MYBBP1A: variants seen among roughly 807,000 people sequenced by gnomAD.
MYBBP1A encodes MYB binding protein 1a, also known as myb-binding protein 1A.
A neutral mutation model predicts 136.3 loss-of-function variants in MYBBP1A; 147 were observed. The ratio of observed to expected loss-of-function variants is 1.08; its 90% CI spans 0.94 to 1.24. MYBBP1A has a LOEUF of 1.24. Ranked by LOEUF, MYBBP1A falls within the 50% of genes most tolerant of loss-of-function variation. The probability of loss-of-function intolerance (pLI) is 0.00; values close to 1 mark genes in which losing one functional copy is unlikely to be tolerated. For missense variants in MYBBP1A, 2,060 were observed against 1,727.4 expected (o/e 1.19, Z -3.41); for synonymous variants, 947 against 735.8 (o/e 1.29, Z -4.65).
At chr17:4,551,735 A>C in intron 8 of MYBBP1A, 145 bp downstream of exon 8, 1 of 685,236 alleles carries the variant, frequency 1.5e-6, no homozygotes, top group Non-Finnish European at 2.5e-6. Context: ...GTCCGAGGGA[A>C]AGGGGTTCAG....
intron 8 of MYBBP1A, among the ~76,000 whole-genome samples, chr17:4,550,608 T>C (rs1907427668): frequency 6.6e-6 from 1 of 152,280 alleles, no homozygotes; most frequent in Admixed American, 6.5e-5. Flanking sequence ...TCAAGGCCTC[T>C]GTGGGTCTGA....
chr17:4,542,358 C>G (rs553501112), intron 22 of MYBBP1A, 106 bp downstream of exon 22: 1 of 1,292,452 alleles, frequency 7.7e-7, no homozygotes, highest in African/African-American at 1.5e-5. Flanking sequence ...CAGCTGTGCC[C>G]GTGCTCACCA....
chr17:4,543,419 C>T (rs1906652794), intron 19 of MYBBP1A: 2 of 521,502 alleles, frequency 3.8e-6, no homozygotes, highest in African/African-American at 3.8e-5. Flanking sequence ...GCACCAAGGG[C>T]CAACTGCCTG....
In MYBBP1A at chr17:4,554,990, T is replaced by G. The variant is rs777297074; in HGVS notation, c.199-34A>C. The G allele has an allele frequency of 1.9e-6, 3 of 1,611,576 alleles. No individual in the cohort carries two copies. The African/African-American group carries it at 4.0e-5, about 22-fold the overall frequency. On this transcript the variant is annotated intron_variant, in intron 1 of 25. Transcript: ENST00000254718. ...CCAAGCACACCCTCGTGTTCAATGG[T>G]GACAACAAGGTGCACGCCCCCGCGC...
intron 19 of MYBBP1A, 126 bp from the exon 20 acceptor site, chr17:4,543,291 A>G: frequency 7.5e-7 from 1 of 1,329,268 alleles, no homozygotes; most frequent in East Asian, 2.5e-5. Context: ...GAGGCGACCC[A>G]GGCCACAGAG....
At chr17:4,554,575 G>A (rs1458812978) in intron 2 of MYBBP1A, among the ~76,000 whole-genome samples, 4 of 152,196 alleles carry the variant, frequency 2.6e-5, no homozygotes, top group East Asian at 1.9e-4. Context: ...TCAGCTGAAT[G>A]CCTCTGCAGG....
rs2144438201 is a variant in MYBBP1A at position 4,543,313 on chromosome 17, G to A, written c.2640-148C>T. ...CCCAGGCCACAGAGGAGGGCCCAGGGCCGCCTGCAGGCTGCCTGGAAGCTG... is the reference window on the plus strand; with the variant it reads ...CCCAGGCCACAGAGGAGGGCCCAGGACCGCCTGCAGGCTGCCTGGAAGCTG... On this transcript the variant is annotated intron_variant, in intron 19 of 25. Transcript: ENST00000254718. 10 of 1,109,472 alleles carry A rather than the reference G, an allele frequency of 9.0e-6. No homozygotes were observed. In the South Asian group the frequency reaches 1.7e-4, roughly 18 times the overall value. The allele number at this position is 1,109,472 out of a possible 1,614,324, so 68.7% of individuals were successfully genotyped here. A position where few individuals can be genotyped will look rare whatever the true frequency, so the allele number is the denominator to read the frequency against.
Position 4,544,957 on chromosome 17 carries a change from G to A in MYBBP1A, c.2311-36C>T, listed in dbSNP as rs371827416. The A allele has an allele frequency of 3.3e-4, 512 of 1,572,448 alleles. 3 individuals are homozygous for A. The highest frequency in any genetic ancestry group is 1.5e-3 in the South Asian group (129 of 85,248). ...GAGGCCCAGCGGTCAGCCAGGCCTCGGGCAGGCACACAACATGGGGACACC... is the reference window on the plus strand; with the variant it reads ...GAGGCCCAGCGGTCAGCCAGGCCTCAGGCAGGCACACAACATGGGGACACC... On this transcript the variant is annotated intron_variant, in intron 17 of 25. Coordinates refer to ENST00000254718, the MANE Select transcript of MYBBP1A (RefSeq NM_014520.4).
chr17:4,542,205 G>T (rs753589041), intron 22 of MYBBP1A: 15 of 585,238 alleles, frequency 2.6e-5, no homozygotes, highest in Non-Finnish European at 4.5e-5. Flanking sequence ...CATCCTGTGT[G>T]TGGCCAGATG....
intron 5 of MYBBP1A, 44 bp downstream of exon 5, chr17:4,553,764 CTG>C: frequency 2.0e-6 from 3 of 1,477,512 alleles, no homozygotes; most frequent in Non-Finnish European, 9.5e-7. Context: ...CTTGATGTCT[CTG>C]TAACAAAGTG....
chr17:4,547,852 A>C, intron 13 of MYBBP1A, 106 bp downstream of exon 13: 1 of 1,033,416 alleles, frequency 9.7e-7, no homozygotes, highest in Non-Finnish European at 1.3e-6. Context: ...TAACTCCCCC[A>C]GAACCTTTCC....
chr17:4,542,121 C>T (rs1389337078), intron 22 of MYBBP1A: 6 of 588,680 alleles, frequency 1.0e-5, no homozygotes, highest in South Asian at 2.1e-5. Flanking sequence ...AATTCCTGCC[C>T]ATTATTGGCT....
Position 4,545,080 on chromosome 17 carries a change from C to T in MYBBP1A, c.2256G>A (p.Val752=). ...ESEEEERDGD[V]DQGFREQLMT... ...TCAGCTGTTCCCGGAAGCCCTGATC[C>T]ACGTCCCCGTCGCGCTCCTCCTCCT... is the stretch of plus-strand genomic sequence containing the variant. The change falls in exon 17 of 26, where the codon GTG becomes GTA. Residue 752 remains valine, a synonymous_variant. Transcript: ENST00000254718. 4 of 1,573,898 alleles carry T rather than the reference C, an allele frequency of 2.5e-6. No homozygotes were observed. The highest frequency in any genetic ancestry group is 1.2e-5 in the South Asian group (1 of 86,804).
rs1907558134 is a variant in MYBBP1A, at chr17:4,551,979, C to A, written c.924G>T (p.Leu308=). The A allele has an allele frequency of 6.2e-7, 1 of 1,609,626 alleles. No homozygotes were observed. The highest frequency in any genetic ancestry group is 8.5e-7 in the Non-Finnish European group (1 of 1,176,908). The change falls in exon 8 of 26, where the codon CTG becomes CTT. Residue 308 remains leucine (L), a synonymous_variant. Coordinates refer to ENST00000254718, the MANE Select transcript of MYBBP1A (RefSeq NM_014520.4). ...TCAGCAGGGGCAGGGCCGCGCCCAG[C>A]AGGCGGAAACACAGGTAGCTAAAGG... ...FWPASYLCFR[L]LGAALPLLTK... is the part of the protein sequence containing the mutation.
In MYBBP1A at chr17:4,554,847, G is replaced by A. The variant is rs530614688; in HGVS notation, c.294+14C>T. ...ACCTGGATGGCTGGGACCCTGCCAG[G>A]AGCACCACCTCACCTGTGCCAGGGC... On this transcript the variant is annotated intron_variant, in intron 2 of 25. Coordinates refer to ENST00000254718, the MANE Select transcript of MYBBP1A (RefSeq NM_014520.4). 2 of 1,612,588 alleles carry A rather than the reference G, an allele frequency of 1.2e-6. No homozygotes were observed. Among genetic ancestry groups the A allele is most frequent in the Non-Finnish European group, 1.7e-6 (2 of 1,179,492 alleles).
In MYBBP1A at chr17:4,545,430, T is replaced by C. The variant is rs1309190152; in HGVS notation, c.2074-85A>G. The C allele has an allele frequency of 7.0e-6, 11 of 1,570,602 alleles. No homozygotes were observed. The Admixed American group carries it at 2.0e-4, about 28-fold the overall frequency. ...ACTCAGCCTTGACCAAAGACCTCCA[T>C]TTCCCAGAAGAAAACGGAGCCTAGG... On this transcript the variant is annotated intron_variant, in intron 15 of 25. Coordinates refer to ENST00000254718, the MANE Select transcript of MYBBP1A (RefSeq NM_014520.4).
intron 8 of MYBBP1A, among the ~76,000 whole-genome samples, chr17:4,550,783 G>A (rs1195145263): frequency 1.3e-5 from 2 of 152,250 alleles, no homozygotes; most frequent in East Asian, 1.9e-4. Flanking sequence ...TGTCATCTTC[G>A]GGACCAAAAA....
At chr17:4,553,070 C>A (rs533936899) in intron 5 of MYBBP1A, among the ~76,000 whole-genome samples, 2 of 152,212 alleles carry the variant, frequency 1.3e-5, no homozygotes, top group Non-Finnish European at 2.9e-5. Context: ...GATCTGCCCA[C>A]CTCGGCCTCC....
At position 4,548,446 on chromosome 17, in the gene MYBBP1A, G is replaced by A; in HGVS notation, c.1556+78C>T. The A allele has an allele frequency of 6.2e-7, 1 of 1,609,996 alleles. No homozygotes were observed. The highest frequency in any genetic ancestry group is 8.5e-7 in the Non-Finnish European group (1 of 1,177,844). On this transcript the variant is annotated intron_variant, in intron 11 of 25. Coordinates refer to ENST00000254718, the MANE Select transcript of MYBBP1A (RefSeq NM_014520.4). The surrounding 1 kb of genome is among the most constrained non-coding windows in gnomAD (Gnocchi z 4.2). ...CCGGGGGCCTCTGCCGTTGTTCCCA[G>A]CTTAGGGGACCTGGAGGGAGCAGGC...
Sources: allele counts gnomAD v4.1 joint callset (sites outside exome capture counted in the v4.1 genomes callset), GRCh38; gene constraint gnomAD v4.1.1; non-coding constraint Gnocchi (gnomAD v3.1); transcripts MANE v1.5; gene names NCBI Gene and HGNC (gene_info 2026-07-23, HGNC 2026-07-21).